The following ERC2 variants were observed in gnomAD, a reference collection of about 807,000 sequenced individuals.
ERC2 encodes ELKS/RAB6-interacting/CAST family member 2, also known as ERC protein 2.
In ERC2, 42 loss-of-function variants were observed where a neutral mutation model predicts 114.8. The ratio of observed to expected loss-of-function variants is 0.37; its 90% CI spans 0.29 to 0.47. ERC2 has a LOEUF of 0.47. Among genes scored for constraint, ERC2 ranks in the 20% least tolerant of loss-of-function variants. The pLI, the probability that ERC2 is intolerant of heterozygous loss-of-function variation, is 0.99. For missense variants in ERC2, 939 were observed against 1,150.7 expected, an observed-to-expected ratio of 0.82 and a Z score of 2.66; for synonymous variants, 454 against 425.5, an observed-to-expected ratio of 1.07 and a Z score of -0.82.
intron 17 of ERC2, chr3:55,611,034 AACTC>A (rs1457615341): frequency 6.6e-6 from 1 of 152,210 alleles, no homozygotes; most frequent in Non-Finnish European, 1.5e-5. Flanking sequence ...AAACGCCTAA[AACTC>A]ACTCACTCTG....
intron 10 of ERC2, among the ~76,000 whole-genome samples, chr3:55,993,348 T>C (rs2071228481): frequency 1.3e-5 from 2 of 152,166 alleles, no homozygotes; most frequent in African/African-American, 4.8e-5. Flanking sequence ...GGAGCAGATA[T>C]TTATTGTGTT....
intron 13 of ERC2, among the ~76,000 whole-genome samples, chr3:55,949,199 C>T (rs2149441431): frequency 6.6e-6 from 1 of 152,138 alleles, no homozygotes; most frequent in South Asian, 2.1e-4. Context: ...GAAACCCCGT[C>T]TCTACTAAAA....
intron 6 of ERC2, among the ~76,000 whole-genome samples, chr3:56,115,551 A>G (rs934753753): frequency 6.6e-6 from 1 of 152,184 alleles, no homozygotes; most frequent in Non-Finnish European, 1.5e-5. Flanking sequence ...ACTCTGTACC[A>G]AGGACCAGGA....
At chr3:55,746,480 C>T (rs978103931) in intron 14 of ERC2, among the ~76,000 whole-genome samples, 1 of 152,052 alleles carries the variant, frequency 6.6e-6, no homozygotes, top group Admixed American at 6.6e-5. Context: ...GTGATCCGCC[C>T]ACCTCAGGTG....
At chr3:56,318,226 A>G (rs1319696999) in intron 2 of ERC2, among the ~76,000 whole-genome samples, 1 of 152,148 alleles carries the variant, frequency 6.6e-6, no homozygotes, top group Non-Finnish European at 1.5e-5. Context: ...TTATTCTGTC[A>G]CCCAGGGTGA....
intron 2 of ERC2, among the ~76,000 whole-genome samples, chr3:56,313,388 G>A (rs1351974236): frequency 6.6e-6 from 1 of 151,988 alleles, no homozygotes; most frequent in African/African-American, 2.4e-5. Flanking sequence ...AAAATGATGG[G>A]AGGCGAGAGC....
At chr3:56,382,895 T>C (rs890951968) in intron 2 of ERC2, among the ~76,000 whole-genome samples, 1 of 152,106 alleles carries the variant, frequency 6.6e-6, no homozygotes, top group Admixed American at 6.6e-5. Flanking sequence ...TACCCCAAGG[T>C]TCAGATGCCC....
chr3:55,602,119 C>T (rs551870219), intron 17 of ERC2, among the ~76,000 whole-genome samples: 2 of 152,302 alleles, frequency 1.3e-5, no homozygotes, highest in African/African-American at 4.8e-5. Flanking sequence ...TGCAAAATCT[C>T]TTCCTTCCTT....
intron 6 of ERC2, among the ~76,000 whole-genome samples, chr3:56,091,954 C>G (rs898017118): frequency 1.4e-5 from 2 of 143,216 alleles, no homozygotes; most frequent in African/African-American, 5.6e-5. Flanking sequence ...AATTTACACA[C>G]TTGACAAGAG....
chr3:55,536,811 C>T (rs144416288), intron 17 of ERC2, among the ~76,000 whole-genome samples: 1 of 152,292 alleles, frequency 6.6e-6, no homozygotes, highest in Non-Finnish European at 1.5e-5. Flanking sequence ...ATGCTGATGG[C>T]CTCCCAGCCC....
intron 2 of ERC2, among the ~76,000 whole-genome samples, chr3:56,384,641 C>T (rs897789218): frequency 2.0e-5 from 3 of 152,064 alleles, no homozygotes; most frequent in Non-Finnish European, 4.4e-5. Flanking sequence ...AATATTTTCT[C>T]CCATTCTGTG....
intron 2 of ERC2, among the ~76,000 whole-genome samples, chr3:56,409,340 T>C (rs1371775238): frequency 6.6e-6 from 1 of 152,140 alleles, no homozygotes; most frequent in Admixed American, 6.5e-5. Flanking sequence ...CTCCTGGGAA[T>C]ATATAGAGTC....
intron 3 of ERC2, among the ~76,000 whole-genome samples, chr3:56,238,697 C>T (rs1489280664): frequency 6.6e-6 from 1 of 152,190 alleles, no homozygotes; most frequent in Non-Finnish European, 1.5e-5. Context: ...GTTAGCACTT[C>T]TCCAGGCCCC....
intron 3 of ERC2, among the ~76,000 whole-genome samples, chr3:56,285,018 CACACACACACACAT>C (rs1377969062): frequency 2.3e-5 from 3 of 129,004 alleles, no homozygotes; most frequent in African/African-American, 6.2e-5. Context: ...CTCTCACACA[CACACACACACACAT>C]ACACACACAC....
At chr3:56,255,863 G>A (rs536750392) in intron 3 of ERC2, among the ~76,000 whole-genome samples, 27 of 152,286 alleles carry the variant, frequency 1.8e-4, no homozygotes, top group African/African-American at 2.6e-4. Flanking sequence ...CATGAATGTC[G>A]TTGCCTAGGA....
In ERC2 at chr3:56,049,818, ATGTGTGTGTG is replaced by A. The variant is rs3052672; in HGVS notation, c.1642-30797_1642-30788del. On this transcript the variant is annotated intron_variant, in intron 7 of 17. Transcript: ENST00000288221. ...GCTACTTAATAAACTCCCATCATAT[ATGTGTGTGTG>A]TGTGTGTGTGTGTGTGTGTGTGTGT... Among the ~76,000 whole-genome samples, 593 of 145,212 alleles carry A rather than the reference ATGTGTGTGTG, an allele frequency of 4.1e-3. 1 individual carries two copies. Among genetic ancestry groups the A allele is most frequent in the African/African-American group, 7.3e-3 (286 of 38,922 alleles).
At position 56,007,262 on chromosome 3, in the gene ERC2, C is replaced by G. The variant is rs753173190; in HGVS notation, c.1980G>C (p.Arg660Ser). 6.3e-7 allele frequency: 1 copy of G among 1,593,130 alleles called. No homozygotes were observed. Among genetic ancestry groups the G allele is most frequent in the Non-Finnish European group, 8.6e-7 (1 of 1,168,680 alleles). ...ASSLASAGLK[R>S]DSKLKSLEIA... ...TTTCTAGAGATTTTAATTTGGAATC[C>G]CTTTTCAGCCCCGCAGAGGCTAATG... is the stretch of plus-strand genomic sequence containing the variant. The change falls in exon 10 of 18, where the codon AGG becomes AGC. Residue 660 changes from arginine to serine, a missense_variant. Arg to Ser is a moderately radical substitution (Grantham distance 110). Around this residue, in one of 5 missense-constraint regions of ERC2, gnomAD observed 149 missense variants for 254.6 expected, o/e 0.59. Transcript: ENST00000288221.
At chr3:56,026,891 A>G (rs1274055021) in intron 7 of ERC2, among the ~76,000 whole-genome samples, 1 of 151,014 alleles carries the variant, frequency 6.6e-6, no homozygotes, top group Non-Finnish European at 1.5e-5. Context: ...GACCACCACC[A>G]AAGTCAAGAT....
chr3:56,464,338 C>G (rs959837081), intron 1 of ERC2, among the ~76,000 whole-genome samples: 8 of 152,212 alleles, frequency 5.3e-5, no homozygotes, highest in African/African-American at 1.9e-4. Context: ...GAAAAGCATG[C>G]CCCAGGTAGC....
Sources: allele counts gnomAD v4.1 joint callset (sites outside exome capture counted in the v4.1 genomes callset), GRCh38; gene constraint gnomAD v4.1.1; regional missense constraint gnomAD v4.1.1; transcripts MANE v1.5; gene names NCBI Gene and HGNC (gene_info 2026-07-23, HGNC 2026-07-21).